Variants in NT5C1B observed in about 807,000 individuals in gnomAD.
NT5C1B encodes cytosolic 5'-nucleotidase 1B.
NT5C1B carries 44 observed loss-of-function variants against 57.8 expected under a neutral mutation model. The observed-to-expected ratio is 0.76, with a 90% CI of 0.60 to 0.98. NT5C1B has a LOEUF of 0.98. Among genes scored for constraint, NT5C1B ranks in the 50% least tolerant of loss-of-function variants. The pLI, the probability that NT5C1B is intolerant of heterozygous loss-of-function variation, is 0.00. For missense variants in NT5C1B, 742 were observed against 719.5 expected (o/e 1.03, Z -0.36); for synonymous variants, 284 against 282.6 (o/e 1.00, Z -0.05).
At chr2:18,578,117 G>A (rs1002405687) in intron 6 of NT5C1B, among the ~76,000 whole-genome samples, 3 of 152,080 alleles carry the variant, frequency 2.0e-5, no homozygotes, top group Non-Finnish European at 2.9e-5. Flanking sequence ...TTTCTAAATT[G>A]AATCAGTAAT....
intron 5 of NT5C1B, 109 bp from the exon 6 acceptor site, chr2:18,583,106 T>C: frequency 1.4e-6 from 2 of 1,385,500 alleles, no homozygotes; most frequent in Non-Finnish European, 1.9e-6. Flanking sequence ...TGAAGAATCT[T>C]CACTGAGAGA....
intron 5 of NT5C1B, 99 bp from the exon 6 acceptor site, chr2:18,583,096 T>G (rs1335744992): frequency 3.5e-6 from 5 of 1,446,008 alleles, no homozygotes; most frequent in Non-Finnish European, 4.6e-6. Context: ...ATTCAAGCTC[T>G]GAAGAATCTT....
chr2:18,563,960 G>A (rs1376067744), exon 9 of NT5C1B: 5 of 1,614,190 alleles, frequency 3.1e-6, no homozygotes, highest in Non-Finnish European at 4.2e-6. Flanking sequence ...TCTATCTCTA[G>A]ACCCCAGCGT....
At chr2:18,586,302 G>A (rs371117462) in exon 3 of NT5C1B, 14 of 1,614,126 alleles carry the variant, frequency 8.7e-6, no homozygotes, top group African/African-American at 1.3e-5. Flanking sequence ...ATGGAGCCTT[G>A]GTGGATGGGC....
chr2:18,586,419 T>A (rs1666717052), intron 2 of NT5C1B, 28 bp from the exon 3 acceptor site: 1 of 1,611,906 alleles, frequency 6.2e-7, no homozygotes, highest in African/African-American at 1.3e-5. Flanking sequence ...AACCCAACGG[T>A]GTAAAACCCC....
intron 6 of NT5C1B, 58 bp from the exon 7 acceptor site, chr2:18,576,953 A>T: frequency 6.2e-6 from 10 of 1,604,808 alleles, no homozygotes; most frequent in Non-Finnish European, 8.5e-6. Context: ...AATGCCGTAA[A>T]TCCAAGTAAA....
chr2:18,586,078 T>C (rs1666680212), intron 3 of NT5C1B, among the ~76,000 whole-genome samples, 176 bp downstream of exon 3: 1 of 152,192 alleles, frequency 6.6e-6, no homozygotes, highest in Non-Finnish European at 1.5e-5. Context: ...CCCTCTGTAC[T>C]TCAGGTTTCT....
chr2:18,577,832 G>A (rs952430142), intron 6 of NT5C1B, among the ~76,000 whole-genome samples: 10 of 152,084 alleles, frequency 6.6e-5, no homozygotes, highest in African/African-American at 2.4e-4. Flanking sequence ...TTTGTTATTT[G>A]AAAGAACAAA....
In NT5C1B at chr2:18,587,583, CA is replaced by C; in HGVS notation, c.39del (p.Gly14GlufsTer2). The C allele has an allele frequency of 6.2e-7, 1 of 1,611,862 alleles. No homozygotes were observed. The highest frequency in any genetic ancestry group is 1.3e-5 in the African/African-American group (1 of 74,828). ...AGACTCTCTTTTGAGGACCTCATTC[CA>C]GGCTCATTCTTGACAAGGAAACAAA... On this transcript the variant is annotated frameshift_variant, in exon 2 of 9. Transcript: ENST00000304081. LOFTEE classifies it high-confidence loss of function.
At chr2:18,566,484 T>A (rs2148076912) in intron 8 of NT5C1B, among the ~76,000 whole-genome samples, 1 of 152,286 alleles carries the variant, frequency 6.6e-6, no homozygotes, top group South Asian at 2.1e-4. Context: ...TGGGACTGTT[T>A]TTATGACAAA....
intron 6 of NT5C1B, among the ~76,000 whole-genome samples, chr2:18,578,746 T>G (rs1665925526): frequency 6.6e-6 from 1 of 152,160 alleles, no homozygotes. Flanking sequence ...CAGACAAGGA[T>G]GCCCACTCTC....
chr2:18,588,910 C>T (rs190694477), intron 1 of NT5C1B, among the ~76,000 whole-genome samples: 73 of 152,258 alleles, frequency 4.8e-4, no homozygotes, highest in Non-Finnish European at 8.7e-4. Flanking sequence ...CTACTAATAC[C>T]AAGTGACTTG....
At chr2:18,582,870 T>C in exon 6 of NT5C1B, 1 of 1,613,424 alleles carries the variant, frequency 6.2e-7, no homozygotes, top group African/African-American at 1.3e-5. Flanking sequence ...TTACTTACCG[T>C]AGTGATTGAC....
intron 8 of NT5C1B, among the ~76,000 whole-genome samples, chr2:18,567,935 T>C (rs1457713121): frequency 2.0e-5 from 3 of 152,026 alleles, no homozygotes; most frequent in Non-Finnish European, 4.4e-5. Flanking sequence ...TGGAACTATA[T>C]AAAGAGTGCC....
At chr2:18,570,671 A>G (rs1342918337) in intron 8 of NT5C1B, among the ~76,000 whole-genome samples, 1 of 152,202 alleles carries the variant, frequency 6.6e-6, no homozygotes, top group Non-Finnish European at 1.5e-5. Context: ...AAACATTTTA[A>G]ATAGTTTGTA....
In NT5C1B at chr2:18,587,573, G is replaced by A. The variant is rs1456942178; in HGVS notation, c.50C>T (p.Ser17Phe). Reference sequence around the variant, plus strand: ...TTCTGCTTCTAGACTCTCTTTTGAGGACCTCATTCCAGGCTCATTCTTGAC... The same window carrying A: ...TTCTGCTTCTAGACTCTCTTTTGAGAACCTCATTCCAGGCTCATTCTTGAC... The change falls in exon 2 of 9, where the codon TCC becomes TTC. Residue 17 changes from serine to phenylalanine, a missense_variant. By Grantham distance (155) the Ser-to-Phe change is radical. Coordinates refer to ENST00000304081, the Ensembl canonical transcript of NT5C1B. 4 of 1,613,416 alleles carry A rather than the reference G, an allele frequency of 2.5e-6. No individual in the cohort carries two copies. The African/African-American group carries it at 5.3e-5, about 22-fold the overall frequency.
chr2:18,588,508 A>G (rs1666928053), intron 1 of NT5C1B, among the ~76,000 whole-genome samples: 1 of 152,206 alleles, frequency 6.6e-6, no homozygotes, highest in South Asian at 2.1e-4. Context: ...TGACTCCTGA[A>G]CTAATTTTAA....
rs1666448806 is a variant in NT5C1B at position 18,584,182 on chromosome 2, AT to A, written c.796del (p.Ile266SerfsTer22). The A allele has an allele frequency of 2.5e-6, 4 of 1,614,112 alleles. No homozygotes were observed. The highest frequency in any genetic ancestry group is 3.4e-6 in the Non-Finnish European group (4 of 1,180,032). On this transcript the variant is annotated frameshift_variant, in exon 5 of 9. Transcript: ENST00000304081. LOFTEE classifies it high-confidence loss of function. The surrounding 1 kb of genome is among the most constrained non-coding windows in gnomAD (Gnocchi z 5.8). ...CTTTTCCAGACCCTCTTGCTCGTAGATTTTCCTGCCGTCCACCATGTTGAAG... is the reference window on the plus strand; with the variant it reads ...CTTTTCCAGACCCTCTTGCTCGTAGATTTCCTGCCGTCCACCATGTTGAAG...
chr2:18,584,959 C>G lies in NT5C1B; in HGVS notation c.278G>C (p.Ser93Thr). 6.5e-7 allele frequency: 1 copy of G among 1,542,260 alleles called. No homozygotes were observed. The highest frequency in any genetic ancestry group is 8.7e-7 in the Non-Finnish European group (1 of 1,151,724). ...TGGGGAGGTGGATGGAGTCCGGGAG[C>G]TCGTGGAGCTGCTGGGGAGCTGCAG... Residue 93 changes from serine to threonine, a missense_variant, in exon 4 of 9, where the codon AGC becomes ACC. By Grantham distance (58) the Ser-to-Thr change is moderately conservative. Transcript: ENST00000304081. This position sits in a 1 kb window ranked among gnomAD's most constrained non-coding sequence, Gnocchi z 5.8.
Sources: allele counts gnomAD v4.1 joint callset (sites outside exome capture counted in the v4.1 genomes callset), GRCh38; gene constraint gnomAD v4.1.1; non-coding constraint Gnocchi (gnomAD v3.1); transcripts MANE v1.5; gene names NCBI Gene and HGNC (gene_info 2026-07-23, HGNC 2026-07-21).